CNTN5: variants seen among roughly 807,000 people sequenced by gnomAD.
The protein encoded by CNTN5 is contactin 5.
Under a neutral mutation model 129.1 loss-of-function variants are expected in CNTN5, and 77 were observed. That is an observed-to-expected ratio of 0.60 (90% CI 0.50 to 0.72). CNTN5 has a LOEUF of 0.72. Among genes scored for constraint, CNTN5 ranks in the 30% least tolerant of loss-of-function variants. CNTN5 has a pLI of 0.00. For synonymous variants in CNTN5, 509 were observed against 465.6 expected (o/e 1.09, Z -1.20); for missense variants, 1,478 against 1,328.8 (o/e 1.11, Z -1.75).
intron 1 of CNTN5, among the ~76,000 whole-genome samples, chr11:99,055,007 C>A (rs578010895): frequency 3.3e-5 from 5 of 151,828 alleles, no homozygotes; most frequent in Non-Finnish European, 7.4e-5. Flanking sequence ...AACTTTAAAT[C>A]GTAATTACCT....
intron 13 of CNTN5, among the ~76,000 whole-genome samples, chr11:100,143,630 AACT>A (rs1158748805): frequency 6.6e-6 from 1 of 152,142 alleles, no homozygotes; most frequent in African/African-American, 2.4e-5. Flanking sequence ...AATGTTTATG[AACT>A]ACAGAGTTTA....
chr11:99,909,501 C>A (rs1327985995), intron 6 of CNTN5, among the ~76,000 whole-genome samples: 1 of 152,104 alleles, frequency 6.6e-6, no homozygotes, highest in Non-Finnish European at 1.5e-5. Context: ...GCTCTAAAGA[C>A]ATATACACAC....
Position 100,134,729 on chromosome 11 carries a change from A to G in CNTN5, c.1581-56397A>G, listed in dbSNP as rs140626988. On this transcript the variant is annotated intron_variant, in intron 13 of 24. Coordinates refer to ENST00000524871, the MANE Select transcript of CNTN5 (RefSeq NM_014361.4). Reference sequence around the variant, plus strand: ...TAAAGGCCTCTATCAATTTCTACCAATCTGCCTAAATTTGACTTTCAAGAT... The same window carrying G: ...TAAAGGCCTCTATCAATTTCTACCAGTCTGCCTAAATTTGACTTTCAAGAT... Among the ~76,000 whole-genome samples the G allele has an allele frequency of 5.6e-4, 86 of 152,240 alleles. 1 individual carries two copies. The highest frequency in any genetic ancestry group is 1.1e-3 in the Admixed American group (17 of 15,280).
At chr11:99,067,740 T>C (rs766715177) in intron 1 of CNTN5, among the ~76,000 whole-genome samples, 13 of 152,174 alleles carry the variant, frequency 8.5e-5, no homozygotes, top group Non-Finnish European at 1.8e-4. Flanking sequence ...TAATTTATAA[T>C]GTTGTAATAT....
At chr11:100,197,207 A>G (rs867667861) in intron 15 of CNTN5, among the ~76,000 whole-genome samples, 4 of 151,940 alleles carry the variant, frequency 2.6e-5, no homozygotes, top group African/African-American at 9.7e-5. Context: ...GTGAGGAACC[A>G]GTGAGGGTGT....
chr11:99,706,232 A>C (rs557937108), intron 3 of CNTN5, among the ~76,000 whole-genome samples: 1 of 151,516 alleles, frequency 6.6e-6, no homozygotes, highest in Admixed American at 6.6e-5. Flanking sequence ...AATGCATCCT[A>C]CATATTGGGA....
At chr11:99,391,201 T>C (rs1190956704) in intron 2 of CNTN5, among the ~76,000 whole-genome samples, 1 of 152,146 alleles carries the variant, frequency 6.6e-6, no homozygotes. Context: ...TAATATTGGT[T>C]TTTTAAAAGC....
intron 3 of CNTN5, among the ~76,000 whole-genome samples, chr11:99,743,708 A>T (rs925649151): frequency 6.6e-6 from 1 of 152,120 alleles, no homozygotes; most frequent in Admixed American, 6.6e-5. Flanking sequence ...TAGTACGTGT[A>T]AAAAGTCAAA....
At chr11:99,380,919 T>C (rs974126597) in intron 2 of CNTN5, among the ~76,000 whole-genome samples, 56 of 152,292 alleles carry the variant, frequency 3.7e-4, no homozygotes, top group African/African-American at 1.3e-3. Context: ...TCTTATCTGA[T>C]GCAGTGGATT....
intron 9 of CNTN5, among the ~76,000 whole-genome samples, chr11:100,010,667 G>A (rs1286370064): frequency 3.3e-5 from 5 of 152,084 alleles, no homozygotes; most frequent in Non-Finnish European, 5.9e-5. Flanking sequence ...AAGCCTAGTA[G>A]AGGATGGAGC....
intron 3 of CNTN5, among the ~76,000 whole-genome samples, chr11:99,712,392 G>A (rs78806542): frequency 0.039 from 5,998 of 152,106 alleles, 130 homozygotes; most frequent in East Asian, 0.068. Context: ...TTTGTCAGAC[G>A]GATAGACTGC....
chr11:99,650,327 T>C (rs747993720), intron 3 of CNTN5, among the ~76,000 whole-genome samples: 1 of 151,870 alleles, frequency 6.6e-6, no homozygotes, highest in Non-Finnish European at 1.5e-5. Flanking sequence ...AGAAAGTGTT[T>C]TGGTAGGCAT....
intron 13 of CNTN5, among the ~76,000 whole-genome samples, chr11:100,165,804 C>T (rs987786496): frequency 9.2e-5 from 14 of 151,666 alleles, no homozygotes; most frequent in Admixed American, 8.6e-4. Context: ...GATCGCCTTG[C>T]ATTCTATTTT....
chr11:99,852,026 T>G (rs1947889363), intron 6 of CNTN5, among the ~76,000 whole-genome samples: 1 of 152,188 alleles, frequency 6.6e-6, no homozygotes, highest in Non-Finnish European at 1.5e-5. Flanking sequence ...CTATAATAAC[T>G]TTATTAAATC....
At chr11:99,545,444 C>A (rs1318817323) in intron 2 of CNTN5, among the ~76,000 whole-genome samples, 1 of 152,272 alleles carries the variant, frequency 6.6e-6, no homozygotes, top group Non-Finnish European at 1.5e-5. Context: ...ATTACTCTTA[C>A]TTAACTGCCT....
intron 3 of CNTN5, among the ~76,000 whole-genome samples, chr11:99,690,230 G>C (rs886931064): frequency 6.6e-6 from 1 of 152,136 alleles, no homozygotes; most frequent in Admixed American, 6.5e-5. Flanking sequence ...TCAAAGATCA[G>C]ATGGTTATTG....
chr11:99,407,859 C>T (rs1262992737), intron 2 of CNTN5, among the ~76,000 whole-genome samples: 1 of 152,112 alleles, frequency 6.6e-6, no homozygotes, highest in Non-Finnish European at 1.5e-5. Context: ...GCACTGAGTT[C>T]AGTGCCTCAT....
chr11:99,411,892 A>C (rs1295560732), intron 2 of CNTN5, among the ~76,000 whole-genome samples: 1 of 152,216 alleles, frequency 6.6e-6, no homozygotes, highest in Non-Finnish European at 1.5e-5. Flanking sequence ...AGACTAACGG[A>C]ATAAATAACA....
chr11:99,489,291 G>A (rs1945941781), intron 2 of CNTN5, among the ~76,000 whole-genome samples: 1 of 152,112 alleles, frequency 6.6e-6, no homozygotes, highest in African/African-American at 2.4e-5. Flanking sequence ...AGAGAGTCAT[G>A]TAACTGGATA....
Sources: gnomAD v4.1 joint callset for allele counts (sites outside exome capture counted in the v4.1 genomes callset) on GRCh38, gnomAD v4.1.1 for gene constraint, MANE v1.5 for transcripts, NCBI Gene and HGNC (gene_info 2026-07-23, HGNC 2026-07-21) for gene names.